Variants in PPHLN1 observed in about 807,000 individuals in gnomAD.
The protein encoded by PPHLN1 is periphilin 1.
A neutral mutation model predicts 51.3 loss-of-function variants in PPHLN1; 29 were observed. The ratio of observed to expected loss-of-function variants is 0.57; its 90% CI spans 0.42 to 0.77. PPHLN1 has a LOEUF of 0.77. Among genes scored for constraint, PPHLN1 ranks in the 30% least tolerant of loss-of-function variants. The pLI is 0.00. For synonymous variants in PPHLN1, 147 were observed against 147.8 expected, an observed-to-expected ratio of 0.99 and a Z score of 0.04; for missense variants, 436 against 438.4, an observed-to-expected ratio of 0.99 and a Z score of 0.05.
intron 9 of PPHLN1, among the ~76,000 whole-genome samples, chr12:42,402,355 T>A (rs1296705483): frequency 6.6e-6 from 1 of 152,242 alleles, no homozygotes; most frequent in Non-Finnish European, 1.5e-5. Context: ...CTTTCCTTAT[T>A]ACAATTAGCT....
chr12:42,336,032 ACACCAAAG>A (rs1359771207), intron 2 of PPHLN1, 58 bp downstream of exon 2: 4 of 1,198,742 alleles, frequency 3.3e-6, no homozygotes, highest in Non-Finnish European at 4.7e-6. Flanking sequence ...TTAATTTGAT[ACACCAAAG>A]CTAGGCCTAT....
intron 8 of PPHLN1, among the ~76,000 whole-genome samples, chr12:42,397,037 C>CAA (rs34558119): frequency 0.027 from 3,521 of 128,890 alleles, 62 homozygotes; most frequent in Non-Finnish European, 0.034. Flanking sequence ...GACCTAGTCT[C>CAA]AAAAAAAAAA....
intron 8 of PPHLN1, among the ~76,000 whole-genome samples, chr12:42,394,411 A>C (rs1809436370): frequency 6.6e-6 from 1 of 152,144 alleles, no homozygotes; most frequent in South Asian, 2.1e-4. Flanking sequence ...TATTTGAAGG[A>C]GCATTCTGGC....
intron 8 of PPHLN1, among the ~76,000 whole-genome samples, chr12:42,396,013 T>G (rs150462105): frequency 6.6e-6 from 1 of 152,308 alleles, no homozygotes; most frequent in East Asian, 1.9e-4. Context: ...TTTCATCTTC[T>G]GGGCTCTACT....
chr12:42,352,319 G>A (rs1183391010), intron 3 of PPHLN1, among the ~76,000 whole-genome samples: 1 of 151,730 alleles, frequency 6.6e-6, no homozygotes, highest in African/African-American at 2.4e-5. Context: ...AAATTGGCAG[G>A]GATTTGCAAA....
chr12:42,332,172 C>G (rs1305693917), intron 1 of PPHLN1, among the ~76,000 whole-genome samples: 1 of 152,076 alleles, frequency 6.6e-6, no homozygotes, highest in Non-Finnish European at 1.5e-5. Flanking sequence ...CCACTGCATT[C>G]CCGCCTGGGC....
At chr12:42,348,388 C>G (rs1343351313) in intron 2 of PPHLN1, among the ~76,000 whole-genome samples, 1 of 150,316 alleles carries the variant, frequency 6.7e-6, no homozygotes, top group Non-Finnish European at 1.5e-5. Context: ...TCCCAAAGTG[C>G]TAGGATTACA....
chr12:42,448,230 A>G (rs1481489518), downstream of PPHLN1: 1 of 152,664 alleles, frequency 6.6e-6, no homozygotes, highest in Non-Finnish European at 1.5e-5. Context: ...TAACAGATGT[A>G]TTTAAATATA....
chr12:42,370,763 T>C (rs1048681054), intron 4 of PPHLN1, among the ~76,000 whole-genome samples: 4 of 152,206 alleles, frequency 2.6e-5, no homozygotes, highest in Non-Finnish European at 4.4e-5. Flanking sequence ...TCTTAATTTC[T>C]TGCAATCTGC....
chr12:42,368,382 GA>G (rs2075479934), intron 4 of PPHLN1, among the ~76,000 whole-genome samples: 1 of 152,134 alleles, frequency 6.6e-6, no homozygotes. Context: ...TAAAGCTTGA[GA>G]GTCCATGTAT....
At chr12:42,365,034 G>C (rs921244122) in intron 4 of PPHLN1, among the ~76,000 whole-genome samples, 5 of 152,162 alleles carry the variant, frequency 3.3e-5, no homozygotes, top group Admixed American at 2.6e-4. Context: ...TGATTTTGTG[G>C]AAACAGCCTT....
intron 4 of PPHLN1, among the ~76,000 whole-genome samples, chr12:42,356,809 G>C (rs1212817800): frequency 6.6e-6 from 1 of 152,140 alleles, no homozygotes. Flanking sequence ...ATGACATCTA[G>C]TCACTGCTTC....
rs183698557 is a variant in PPHLN1 at position 42,372,523 on chromosome 12, A to G, written c.300-2340A>G. On this transcript the variant is annotated intron_variant, in intron 4 of 9. Coordinates refer to ENST00000358314, the MANE Select transcript of PPHLN1 (RefSeq NM_201439.2). ...AGGAAACCTTTATTTTCCTTGTTGG[A>G]ATACTCTTTCCTTGGCTTCCATGAT... Among the ~76,000 whole-genome samples the G allele has an allele frequency of 2.6e-3, 399 of 152,268 alleles. 1 individual carries two copies. The highest frequency in any genetic ancestry group is 9.2e-3 in the African/African-American group (381 of 41,544).
intron 9 of PPHLN1, among the ~76,000 whole-genome samples, chr12:42,406,086 G>GTTTTT (rs56927510): frequency 0.26 from 34,342 of 134,566 alleles, 5,585 homozygotes; most frequent in Non-Finnish European, 0.36. Context: ...GTTTAGTCTG[G>GTTTTT]TTTTTTTTTT....
chr12:42,426,216 A>ACACACACACACACACACG (rs2081464690), intron 9 of PPHLN1, among the ~76,000 whole-genome samples: 1 of 135,058 alleles, frequency 7.4e-6, no homozygotes, highest in East Asian at 2.2e-4. Flanking sequence ...ACACACACAC[A>ACACACACACACACACACG]CACACACACA....
At chr12:42,327,020 C>T (rs1413652991) in intron 1 of PPHLN1, among the ~76,000 whole-genome samples, 2 of 152,170 alleles carry the variant, frequency 1.3e-5, no homozygotes, top group Non-Finnish European at 2.9e-5. Flanking sequence ...TGAATGCCTC[C>T]GTGGCCGACA....
chr12:42,359,890 A>G (rs996945185), intron 4 of PPHLN1, among the ~76,000 whole-genome samples: 1 of 152,038 alleles, frequency 6.6e-6, no homozygotes, highest in African/African-American at 2.4e-5. Flanking sequence ...GGCAGATCAC[A>G]TGAGGTCAGG....
chr12:42,354,245 G>A (rs984911110), intron 3 of PPHLN1, among the ~76,000 whole-genome samples: 4 of 152,154 alleles, frequency 2.6e-5, no homozygotes, highest in Non-Finnish European at 5.9e-5. Context: ...TTGAGACAGA[G>A]TCTCATTCTG....
At chr12:42,446,328 C>G, downstream of PPHLN1, 1 of 1,541,244 alleles carries the variant, frequency 6.5e-7, no homozygotes. Flanking sequence ...TGCCTGTTAC[C>G]CGTACCTACT....
Sources: gnomAD v4.1 joint callset for allele counts (sites outside exome capture counted in the v4.1 genomes callset) on GRCh38, gnomAD v4.1.1 for gene constraint, MANE v1.5 for transcripts, NCBI Gene and HGNC (gene_info 2026-07-23, HGNC 2026-07-21) for gene names.